The following TUBE1 variants were observed in gnomAD, a reference collection of about 807,000 sequenced individuals.
TUBE1 encodes tubulin epsilon 1.
Under a neutral mutation model 53.5 loss-of-function variants are expected in TUBE1, and 34 were observed. The observed-to-expected ratio is 0.64, with a 90% CI of 0.48 to 0.85. The LOEUF is 0.85. Ranked by LOEUF, TUBE1 falls within the 40% of genes least tolerant of loss-of-function variation. The pLI is 0.00. For missense variants in TUBE1, 532 were observed against 570.5 expected (o/e 0.93, Z 0.69); for synonymous variants, 177 against 198.4 (o/e 0.89, Z 0.91).
intron 5 of TUBE1, 64 bp from the exon 6 acceptor site, chr6:112,079,818 A>C: frequency 6.8e-7 from 1 of 1,476,010 alleles, no homozygotes; most frequent in East Asian, 2.4e-5. Context: ...ATTAGTTCTA[A>C]TCTAAATAAA....
intron 9 of TUBE1, among the ~76,000 whole-genome samples, chr6:112,074,115 T>A (rs1776914314): frequency 6.6e-6 from 1 of 152,334 alleles, no homozygotes; most frequent in South Asian, 2.1e-4. Flanking sequence ...CAGTCAACTG[T>A]GAATGCCACT....
intron 3 of TUBE1, among the ~76,000 whole-genome samples, chr6:112,086,096 T>G (rs1386344740): frequency 6.6e-6 from 1 of 152,234 alleles, no homozygotes; most frequent in African/African-American, 2.4e-5. Flanking sequence ...CTTATGGAGA[T>G]ATCCTAAACG....
chr6:112,076,695 A>C, intron 6 of TUBE1, 186 bp from the exon 7 acceptor site: 1 of 445,786 alleles, frequency 2.2e-6, no homozygotes, highest in Non-Finnish European at 3.9e-6. Context: ...TCAGCCTCCC[A>C]AGTATCTGGG....
Position 112,071,530 on chromosome 6 carries a change from T to C in TUBE1, c.1310A>G (p.Glu437Gly), listed in dbSNP as rs1554315331. The C allele has an allele frequency of 6.2e-7, 1 of 1,612,154 alleles. No homozygotes were observed. The highest frequency in any genetic ancestry group is 1.7e-5 in the Admixed American group (1 of 59,980). ...HHYLQVEGME[E>G]SCFTEAVSSL... ...TGACACAGCTTCTGTGAAACAGCTTTCTTCCATCCCTTCAACTTGTAGATA... is the reference window on the plus strand; with the variant it reads ...TGACACAGCTTCTGTGAAACAGCTTCCTTCCATCCCTTCAACTTGTAGATA... The change falls in exon 12 of 12, where the codon GAA (glutamate) becomes GGA (glycine). Residue 437 changes from glutamate (E) to glycine (G), a missense_variant. Coordinates refer to ENST00000368662, the MANE Select transcript of TUBE1 (RefSeq NM_016262.5).
intron 5 of TUBE1, among the ~76,000 whole-genome samples, chr6:112,080,372 A>T (rs1289575612): frequency 6.6e-6 from 1 of 152,092 alleles, no homozygotes; most frequent in African/African-American, 2.4e-5. Context: ...GTATAACTCA[A>T]AAGTTACATA....
At chr6:112,085,996 C>T (rs587635476) in intron 3 of TUBE1, among the ~76,000 whole-genome samples, 2 of 152,226 alleles carry the variant, frequency 1.3e-5, no homozygotes, top group South Asian at 2.1e-4. Context: ...AAGCCTGACA[C>T]GAAGTATGTA....
At chr6:112,081,469 C>T (rs182073590) in intron 4 of TUBE1, among the ~76,000 whole-genome samples, 123 of 152,162 alleles carry the variant, frequency 8.1e-4, no homozygotes, top group Admixed American at 1.6e-3. Flanking sequence ...CAAGAATAAT[C>T]CCCTCAACTG....
intron 9 of TUBE1, among the ~76,000 whole-genome samples, chr6:112,073,418 T>A (rs1174990419): frequency 6.6e-6 from 1 of 152,150 alleles, no homozygotes; most frequent in Admixed American, 6.5e-5. Flanking sequence ...CTCCTAAAAG[T>A]AGAGACTTTT....
At chr6:112,074,991 A>G in intron 8 of TUBE1, 141 bp from the exon 9 acceptor site, 1 of 417,352 alleles carries the variant, frequency 2.4e-6, no homozygotes, top group Non-Finnish European at 4.2e-6. Context: ...TTTCTTCCAT[A>G]TTAGTGAAAG....
intron 10 of TUBE1, 72 bp from the exon 11 acceptor site, chr6:112,072,148 T>A: frequency 1.7e-6 from 2 of 1,147,464 alleles, no homozygotes; most frequent in Non-Finnish European, 2.5e-6. Context: ...TAATGGCAGC[T>A]CATATTAGTT....
rs587612806 is a variant in TUBE1, at chr6:112,085,341, A to G, written c.153-1095T>C. The G allele has an allele frequency of 5.5e-5, 9 of 162,906 alleles. No homozygotes were observed. The East Asian group carries it at 7.2e-4, about 13-fold the overall frequency. 10.1% of individuals were successfully genotyped at this position (162,906 alleles called of 1,614,324 possible). Reference sequence around the variant, plus strand: ...CCTGTTTGCCAAACTTACCGGGAAAATAATAGTGCTCTCAGGTTAAAGTAT... The same window carrying G: ...CCTGTTTGCCAAACTTACCGGGAAAGTAATAGTGCTCTCAGGTTAAAGTAT... On this transcript the variant is annotated intron_variant, in intron 3 of 11. Coordinates refer to ENST00000368662, the MANE Select transcript of TUBE1 (RefSeq NM_016262.5).
intron 4 of TUBE1, among the ~76,000 whole-genome samples, chr6:112,081,813 A>AG (rs1777075837): frequency 6.7e-6 from 1 of 149,686 alleles, no homozygotes; most frequent in African/African-American, 2.5e-5. Flanking sequence ...AAAAAAAAAC[A>AG]GAAAAAAAAA....
intron 4 of TUBE1, 179 bp downstream of exon 4, chr6:112,084,010 G>A (rs1430413508): frequency 3.4e-6 from 2 of 592,610 alleles, no homozygotes; most frequent in Non-Finnish European, 6.1e-6. Flanking sequence ...TAAAGTATGG[G>A]CTTTTCCCCC....
In TUBE1 at chr6:112,087,234, T is replaced by A. The variant is rs1013559925; in HGVS notation, c.98A>T (p.Gln33Leu). ...LALREHAAVN[Q>L]KGIYDEAISS... ...GGGCTCGCGGCGGCGGGCGGGTACC[T>A]GGTTGACCGCGGCGTGCTCCCTTAG... is the stretch of plus-strand genomic sequence containing the variant. The change falls in exon 2 of 12, where the codon CAG (glutamine) becomes CTG (leucine). Residue 33 changes from glutamine (Q) to leucine (L), a missense_variant and splice_region_variant. Coordinates refer to ENST00000368662, the MANE Select transcript of TUBE1 (RefSeq NM_016262.5). 5 of 1,550,644 alleles carry A rather than the reference T, an allele frequency of 3.2e-6. No individual in the cohort carries two copies. In the African/African-American group the frequency reaches 5.5e-5, roughly 17 times the overall value.
At chr6:112,085,319 G>C (rs587651714) in intron 3 of TUBE1, 10 of 162,914 alleles carry the variant, frequency 6.1e-5, no homozygotes, top group African/African-American at 9.6e-5. Context: ...CCACAACCCT[G>C]TTTGCCAAAC....
chr6:112,080,965 G>C (rs200669054), intron 5 of TUBE1, 127 bp downstream of exon 5: 1 of 496,952 alleles, frequency 2.0e-6, no homozygotes, highest in Non-Finnish European at 3.5e-6. Context: ...TTATTAAGGT[G>C]GTGGGCTGAA....
Position 112,071,972 on chromosome 6 carries a change from G to T in TUBE1, c.1199C>A (p.Ala400Glu). ...GGTGGGCTTCACACATGTGTTATTT[G>T]CTAAAGCTAATAACGAATGAGAATG... Reference protein sequence around the residue: ...VGHSHSLLALANNTCVKPTFM... With the variant: ...VGHSHSLLALENNTCVKPTFM... The change falls in exon 11 of 12, where the codon GCA becomes GAA. Residue 400 changes from alanine (A) to glutamate (E), a missense_variant. By Grantham distance (107) the Ala-to-Glu change is moderately radical. Coordinates refer to ENST00000368662, the MANE Select transcript of TUBE1 (RefSeq NM_016262.5). 2 of 1,612,734 alleles carry T rather than the reference G, an allele frequency of 1.2e-6. No homozygotes were observed. Among genetic ancestry groups the T allele is most frequent in the Non-Finnish European group, 1.7e-6 (2 of 1,179,512 alleles).
chr6:112,077,936 C>T (rs945027356), intron 6 of TUBE1: 1 of 151,896 alleles, frequency 6.6e-6, no homozygotes, highest in Non-Finnish European at 1.5e-5. Context: ...AATAATGCCA[C>T]CACGAAATGG....
At chr6:112,072,667 G>T in intron 10 of TUBE1, 91 bp downstream of exon 10, 1 of 1,384,228 alleles carries the variant, frequency 7.2e-7, no homozygotes. Context: ...AAGTGGCACT[G>T]CTAGAATTTG....
Sources: allele counts gnomAD v4.1 joint callset (sites outside exome capture counted in the v4.1 genomes callset), GRCh38; gene constraint gnomAD v4.1.1; transcripts MANE v1.5; gene names NCBI Gene and HGNC (gene_info 2026-07-23, HGNC 2026-07-21).